The following GPC1 variants were observed in gnomAD, a reference collection of about 807,000 sequenced individuals.
GPC1 encodes glypican 1, also known as glypican-1.
GPC1 carries 26 observed loss-of-function variants against 51.5 expected under a neutral mutation model. The ratio of observed to expected loss-of-function variants is 0.50; its 90% CI spans 0.37 to 0.70. GPC1 has a LOEUF of 0.70. Among genes scored for constraint, GPC1 ranks in the 30% least tolerant of loss-of-function variants. The pLI is 0.00. For synonymous variants in GPC1, 380 were observed against 348.3 expected (o/e 1.09, Z -1.01); for missense variants, 775 against 800.5 (o/e 0.97, Z 0.38).
intron 1 of GPC1, chr2:240,449,662 T>C: frequency 2.9e-6 from 1 of 342,812 alleles, no homozygotes; most frequent in South Asian, 2.3e-5. Context: ...CAGGACCCTT[T>C]TCATCTTGTA....
chr2:240,462,516 C>A lies in GPC1; in HGVS notation c.651C>A (p.Phe217Leu). ...RELRLRATRAFVAARSFVQGL... is the reference protein window; with the variant it reads ...RELRLRATRALVAARSFVQGL... ...TGCGCCTGCGGGCCACCCGTGCCTT[C>A]GTGGCTGCTCGCTCCTTTGTGCAGG... The change falls in exon 3 of 9, where the codon TTC becomes TTA. Residue 217 changes from phenylalanine (F) to leucine (L), a missense_variant. Transcript: ENST00000264039. 6.3e-7 allele frequency: 1 copy of A among 1,584,178 alleles called. No individual in the cohort carries two copies. Among genetic ancestry groups the A allele is most frequent in the Non-Finnish European group, 8.6e-7 (1 of 1,166,598 alleles).
chr2:240,447,602 C>G (rs970061685), intron 1 of GPC1, among the ~76,000 whole-genome samples: 2 of 152,318 alleles, frequency 1.3e-5, no homozygotes, highest in South Asian at 4.1e-4. Context: ...TCCTGGTGGC[C>G]GTCGTCTTAG....
At chr2:240,451,115 C>T (rs933216825) in intron 1 of GPC1, 4 of 470,956 alleles carry the variant, frequency 8.5e-6, no homozygotes, top group East Asian at 6.9e-5. Context: ...CCTTTGCTCC[C>T]TCCCCTTCTG....
chr2:240,462,109 TCCCGGGCTGAGTCC>T (rs2074220699), intron 2 of GPC1, 68 bp from the exon 3 acceptor site: 1 of 1,332,056 alleles, frequency 7.5e-7, no homozygotes, highest in Non-Finnish European at 1.0e-6. Context: ...GAGCTGAGTC[TCCCGGGCTGAGTCC>T]CCTGCTCTGG....
At chr2:240,455,712 A>G (rs1315982781) in intron 1 of GPC1, among the ~76,000 whole-genome samples, 1 of 152,114 alleles carries the variant, frequency 6.6e-6, no homozygotes, top group Non-Finnish European at 1.5e-5. Context: ...ATTGCTCTCC[A>G]TTCAGAAAGG....
intron 1 of GPC1, among the ~76,000 whole-genome samples, chr2:240,455,556 G>A (rs2074150853): frequency 6.6e-6 from 1 of 152,218 alleles, no homozygotes; most frequent in Admixed American, 6.5e-5. Context: ...CCAGGAAGGA[G>A]AGGGAGAGGG....
intron 1 of GPC1, among the ~76,000 whole-genome samples, chr2:240,437,225 A>AG (rs531481037): frequency 1.5e-3 from 229 of 151,308 alleles, no homozygotes; most frequent in African/African-American, 5.4e-3. Context: ...CATCTGGGTG[A>AG]GGGGGGTCTG....
intron 1 of GPC1, chr2:240,453,168 C>T (rs1306169928): frequency 8.8e-6 from 2 of 226,226 alleles, no homozygotes; most frequent in Non-Finnish European, 1.8e-5. Flanking sequence ...TCCGTCCTGC[C>T]CCGCTTGGCC....
intron 1 of GPC1, among the ~76,000 whole-genome samples, chr2:240,436,292 G>A (rs1178674330): frequency 2.0e-5 from 3 of 152,040 alleles, no homozygotes; most frequent in Admixed American, 1.3e-4. Context: ...CCTCGCCAGG[G>A]TCTCCTCCGC....
chr2:240,455,467 C>CG (rs1296605384), intron 1 of GPC1, among the ~76,000 whole-genome samples: 4 of 152,084 alleles, frequency 2.6e-5, no homozygotes, highest in South Asian at 2.1e-4. Context: ...CCTCCCTGCA[C>CG]GGGGGGAAGG....
rs532915548 is a variant in GPC1 at position 240,447,622 on chromosome 2, G to A, written c.167-11408G>A. ...GTGGCCGTCGTCTTAGCAAAGGGGC[G>A]GGTCCTGAGAGAAGCCAAAGCCAAC... On this transcript the variant is annotated intron_variant, in intron 1 of 8. Transcript: ENST00000264039. 2.4e-3 allele frequency among the ~76,000 whole-genome samples: 366 copies of A among 152,344 alleles called. 4 individuals carry two copies. Among genetic ancestry groups the A allele is most frequent in the Middle Eastern group, 0.014 (4 of 294 alleles).
intron 1 of GPC1, among the ~76,000 whole-genome samples, chr2:240,447,340 C>T (rs1036214303): frequency 6.6e-6 from 1 of 152,186 alleles, no homozygotes; most frequent in Non-Finnish European, 1.5e-5. Flanking sequence ...TCCGGGGCCT[C>T]TGTGTGGTTG....
At chr2:240,460,619 C>T (rs1300846409) in intron 2 of GPC1, among the ~76,000 whole-genome samples, 1 of 152,192 alleles carries the variant, frequency 6.6e-6, no homozygotes, top group Non-Finnish European at 1.5e-5. Flanking sequence ...TGTCCCGTGT[C>T]AGTGCCCTGC....
chr2:240,438,748 G>A lies in GPC1; in HGVS notation c.166+2664G>A, dbSNP rs533484263. On this transcript the variant is annotated intron_variant, in intron 1 of 8. Coordinates refer to ENST00000264039, the MANE Select transcript of GPC1 (RefSeq NM_002081.3). Reference sequence around the variant, plus strand: ...TTAGCTCATGAAAGAGGGCAGTGTCGGGACATATTGGGCTCCCTTTTGAGA... The same window carrying A: ...TTAGCTCATGAAAGAGGGCAGTGTCAGGACATATTGGGCTCCCTTTTGAGA... Among the ~76,000 whole-genome samples the A allele has an allele frequency of 4.6e-5, 7 of 152,316 alleles. No individual in the cohort carries two copies. In the South Asian group the frequency reaches 1.0e-3, roughly 23 times the overall value.
intron 4 of GPC1, 195 bp from the exon 5 acceptor site, chr2:240,464,421 G>C: frequency 1.1e-5 from 7 of 633,746 alleles, no homozygotes; most frequent in South Asian, 1.1e-4. Flanking sequence ...GCACACGTGG[G>C]TGTGGGCCAA....
intron 1 of GPC1, among the ~76,000 whole-genome samples, chr2:240,437,001 G>T (rs1304201902): frequency 6.6e-6 from 1 of 152,234 alleles, no homozygotes; most frequent in African/African-American, 2.4e-5. Flanking sequence ...GGAACTCTTG[G>T]AACCCAAGCT....
In GPC1 at chr2:240,462,079, GTCCTCAGAGTGTA is replaced by G. The variant is rs377471975; in HGVS notation, c.326-102_326-90del. The G allele has an allele frequency of 2.1e-4, 222 of 1,075,152 alleles. 1 individual carries two copies. The African/African-American group carries it at 3.3e-3, about 16-fold the overall frequency. 66.6% of individuals were successfully genotyped at this position (1,075,152 alleles called of 1,614,324 possible). A position where few individuals can be genotyped will look rare whatever the true frequency, so the allele number is the denominator to read the frequency against. On this transcript the variant is annotated intron_variant, in intron 2 of 8. Coordinates refer to ENST00000264039, the MANE Select transcript of GPC1 (RefSeq NM_002081.3). Reference sequence around the variant, plus strand: ...CTGCAGTGTGGCGTCCGACTCCGAGGTCCTCAGAGTGTATCCTCAGAGCTGAGTCTCCCGGGCT... The same window carrying G: ...CTGCAGTGTGGCGTCCGACTCCGAGGTCCTCAGAGCTGAGTCTCCCGGGCT...
At position 240,448,014 on chromosome 2, in the gene GPC1, C is replaced by T. The variant is rs552320197; in HGVS notation, c.167-11016C>T. On this transcript the variant is annotated intron_variant, in intron 1 of 8. Transcript: ENST00000264039. The surrounding 1 kb of genome is among the most constrained non-coding windows in gnomAD (Gnocchi z 4.5). ...GTGGAAATGGCAAGAAGAGTTGCTG[C>T]CAGGCCATTCTGGGTGGAACACAGT... is the stretch of plus-strand genomic sequence containing the variant. Among the ~76,000 whole-genome samples, 10 of 152,296 alleles carry T rather than the reference C, an allele frequency of 6.6e-5. 1 individual carries two copies. In the South Asian group the frequency reaches 1.5e-3, roughly 22 times the overall value.
At position 240,462,249 on chromosome 2, in the gene GPC1, C is replaced by T. The variant is rs760797736; in HGVS notation, c.384C>T (p.Gly128=). 8.7e-6 allele frequency: 14 copies of T among 1,610,312 alleles called. No homozygotes were observed. The highest frequency in any genetic ancestry group is 6.7e-5 in the African/African-American group (5 of 74,870). ...SERTLQATFP[G]AFGELYTQNA... ...GGACGCTGCAGGCCACCTTCCCCGG[C>T]GCCTTCGGAGAGCTGTACACGCAGA... The change falls in exon 3 of 9, where the codon GGC becomes GGT. Residue 128 remains glycine, a synonymous_variant. Coordinates refer to ENST00000264039, the MANE Select transcript of GPC1 (RefSeq NM_002081.3).
Sources: gnomAD v4.1 joint callset for allele counts (sites outside exome capture counted in the v4.1 genomes callset) on GRCh38, gnomAD v4.1.1 for gene constraint, Gnocchi (gnomAD v3.1) non-coding constraint, MANE v1.5 for transcripts, NCBI Gene and HGNC (gene_info 2026-07-23, HGNC 2026-07-21) for gene names.